The following LRRC43 variants were observed in gnomAD, a reference collection of about 807,000 sequenced individuals.
LRRC43 encodes leucine-rich repeat-containing protein 43.
In LRRC43, 62 loss-of-function variants were observed where a neutral mutation model predicts 64.3. The observed-to-expected ratio is 0.96, with a 90% CI of 0.79 to 1.19. The LOEUF (loss-of-function observed/expected upper bound fraction) is 1.19, where lower values mean the gene tolerates loss of function less well. Ranked by LOEUF, LRRC43 falls within the 50% of genes most tolerant of loss-of-function variation. LRRC43 has a pLI of 0.00. For missense variants in LRRC43, 868 were observed against 845.0 expected (o/e 1.03, Z -0.34); for synonymous variants, 422 against 382.3 (o/e 1.10, Z -1.21).
intron 1 of LRRC43, among the ~76,000 whole-genome samples, chr12:122,173,145 G>A (rs953388525): frequency 3.9e-5 from 6 of 152,026 alleles, no homozygotes; most frequent in East Asian, 1.9e-4. Context: ...AGATGCAGGC[G>A]AGAGTTTTCC....
rs1209878103 is a variant in LRRC43 at position 122,183,227 on chromosome 12, G to T, written c.83G>T (p.Ser28Ile). The T allele has an allele frequency of 6.4e-7, 1 of 1,566,704 alleles. No homozygotes were observed. Among genetic ancestry groups the T allele is most frequent in the Non-Finnish European group, 8.6e-7 (1 of 1,165,936 alleles). ...GTQRPGTGTVSAAVREHLRKL... is the reference protein window; with the variant it reads ...GTQRPGTGTVIAAVREHLRKL... ...CAGCGGCCCGGGACCGGGACCGTGA[G>T]CGCGGCCGTGCGCGAGCACTTGCGG... is the stretch of plus-strand genomic sequence containing the variant. Residue 28 changes from serine to isoleucine, a missense_variant, in exon 1 of 12, where the codon AGC becomes ATC. Transcript: ENST00000339777.
At chr12:122,193,251 G>A in intron 7 of LRRC43, among the ~76,000 whole-genome samples, 1 of 151,770 alleles carries the variant, frequency 6.6e-6, no homozygotes. Flanking sequence ...CGTGGTGGCA[G>A]GCGCCTGTAG....
upstream of LRRC43, among the ~76,000 whole-genome samples, chr12:122,180,518 CAAAAG>C (rs1190981799): frequency 6.6e-6 from 1 of 151,728 alleles, no homozygotes; most frequent in Non-Finnish European, 1.5e-5. Flanking sequence ...AACTCCGTCT[CAAAAG>C]AAAAGAAAAA....
intron 7 of LRRC43, among the ~76,000 whole-genome samples, chr12:122,195,588 T>G (rs1307376084): frequency 6.6e-6 from 1 of 152,148 alleles, no homozygotes; most frequent in Non-Finnish European, 1.5e-5. Context: ...TGGCCTCCAT[T>G]GTTTCTGATG....
At chr12:122,197,563 C>G (rs1284342448) in intron 7 of LRRC43, among the ~76,000 whole-genome samples, 1 of 152,004 alleles carries the variant, frequency 6.6e-6, no homozygotes, top group Non-Finnish European at 1.5e-5. Flanking sequence ...AGGTTGGCTG[C>G]CAGTACTCAG....
intron 1 of LRRC43, among the ~76,000 whole-genome samples, 190 bp downstream of exon 1, chr12:122,183,484 G>A (rs950634432): frequency 1.3e-5 from 2 of 152,178 alleles, no homozygotes; most frequent in Non-Finnish European, 2.9e-5. Context: ...GGAGGAGAGC[G>A]GGGCCCGTCC....
chr12:122,189,073 T>A (rs1174224828), intron 4 of LRRC43, among the ~76,000 whole-genome samples: 1 of 152,090 alleles, frequency 6.6e-6, no homozygotes, highest in Non-Finnish European at 1.5e-5. Context: ...CCAGTTGATA[T>A]TCAACTTGAT....
chr12:122,177,482 T>A (rs1436931232), intron 1 of LRRC43, among the ~76,000 whole-genome samples: 1 of 101,270 alleles, frequency 9.9e-6, no homozygotes, highest in Non-Finnish European at 2.1e-5. Context: ...AGAAAGTGTG[T>A]GTGTGTGTGT....
At chr12:122,181,922 A>G (rs1469590437), upstream of LRRC43, among the ~76,000 whole-genome samples, 1 of 151,928 alleles carries the variant, frequency 6.6e-6, no homozygotes, top group African/African-American at 2.4e-5. Context: ...TTCTAATAAC[A>G]GTAAAGTTGT....
chr12:122,180,825 C>G (rs985749510), upstream of LRRC43, among the ~76,000 whole-genome samples: 2 of 152,184 alleles, frequency 1.3e-5, no homozygotes, highest in South Asian at 2.1e-4. Context: ...CTTCACTGCA[C>G]ATTGTCCATC....
intron 1 of LRRC43, among the ~76,000 whole-genome samples, chr12:122,168,203 G>A (rs1953456727): frequency 6.6e-6 from 1 of 151,320 alleles, no homozygotes. Flanking sequence ...CACTTTGGGA[G>A]GCCAAGGTGG....
intron 4 of LRRC43, among the ~76,000 whole-genome samples, chr12:122,188,092 T>C (rs745955042): frequency 1.4e-4 from 21 of 152,192 alleles, no homozygotes; most frequent in Admixed American, 2.0e-4. Context: ...ATTTTAATTT[T>C]TTAATTTTTT....
chr12:122,173,422 G>A (rs771728061), intron 1 of LRRC43, among the ~76,000 whole-genome samples: 3 of 152,206 alleles, frequency 2.0e-5, no homozygotes, highest in Non-Finnish European at 2.9e-5. Flanking sequence ...AGTGGCTCAC[G>A]CCTGTAATCC....
Position 122,200,175 on chromosome 12 carries a change from C to T in LRRC43, c.1350-14C>T, listed in dbSNP as rs1317655875. ...GGGTGACGGCACCCCCGTCTTCATC[C>T]CTCCCTCCCCAAGGACTGTCCTCTT... On this transcript the variant is annotated splice_polypyrimidine_tract_variant and intron_variant, in intron 7 of 11. Coordinates refer to ENST00000339777, the MANE Select transcript of LRRC43 (RefSeq NM_001098519.2). This position sits in a 1 kb window ranked among gnomAD's most constrained non-coding sequence, Gnocchi z 4.6. 3 of 1,610,578 alleles carry T rather than the reference C, an allele frequency of 1.9e-6. No individual in the cohort carries two copies. The highest frequency in any genetic ancestry group is 2.2e-5 in the East Asian group (1 of 44,854).
Position 122,191,377 on chromosome 12 carries a change from C to A in LRRC43, c.902-3C>A, listed in dbSNP as rs754323523. 9 of 1,607,848 alleles carry A rather than the reference C, an allele frequency of 5.6e-6. 1 individual carries two copies. In the African/African-American group the frequency reaches 9.4e-5, roughly 17 times the overall value. The stretch of plus-strand genomic sequence containing the variant: ...CCCCTGTCCTGCCCATTCCTCCCTG[C>A]AGATCTCTTGGCACAGGAGGCGCAG... On this transcript the variant is annotated splice_region_variant and splice_polypyrimidine_tract_variant and intron_variant, in intron 5 of 11. Transcript: ENST00000339777.
In LRRC43 at chr12:122,186,315, G is replaced by T; in HGVS notation, c.522+15G>T. 1 of 1,542,304 alleles carries T rather than the reference G, an allele frequency of 6.5e-7. No individual in the cohort carries two copies. The highest frequency in any genetic ancestry group is 8.8e-7 in the Non-Finnish European group (1 of 1,130,302). On this transcript the variant is annotated intron_variant, in intron 3 of 11. Transcript: ENST00000339777. ...CCACACTCAAGGTGAAGGAGCCCCG[G>T]TCTGTGTTGAGTATTTGGGCCTCCG... is the stretch of plus-strand genomic sequence containing the variant.
intron 11 of LRRC43, 89 bp downstream of exon 11, chr12:122,201,418 G>A (rs771773415): frequency 5.1e-6 from 6 of 1,180,550 alleles, no homozygotes; most frequent in Non-Finnish European, 7.6e-6. Context: ...GAACCAAAGG[G>A]TGGGGAATGG....
At chr12:122,177,102 T>C (rs188285263) in intron 1 of LRRC43, among the ~76,000 whole-genome samples, 15 of 152,290 alleles carry the variant, frequency 9.8e-5, no homozygotes, top group Admixed American at 5.9e-4. Context: ...TTATGTTGCA[T>C]TGCATGGCAA....
intron 4 of LRRC43, chr12:122,188,062 A>G: frequency 2.3e-6 from 1 of 426,006 alleles, no homozygotes; most frequent in Non-Finnish European, 4.1e-6. Context: ...TGTGAGTCAG[A>G]GCCTTTGCTT....
Sources: gnomAD v4.1 joint callset for allele counts (sites outside exome capture counted in the v4.1 genomes callset) on GRCh38, gnomAD v4.1.1 for gene constraint, Gnocchi (gnomAD v3.1) non-coding constraint, MANE v1.5 for transcripts, NCBI Gene and HGNC (gene_info 2026-07-23, HGNC 2026-07-21) for gene names.